Variants in STXBP5L observed in about 807,000 individuals in gnomAD.
STXBP5L encodes syntaxin-binding protein 5-like.
Under a neutral mutation model 144.5 loss-of-function variants are expected in STXBP5L, and 65 were observed. The observed-to-expected ratio is 0.45, with a 90% CI of 0.37 to 0.55. The LOEUF is 0.55. Among genes scored for constraint, STXBP5L ranks in the 20% least tolerant of loss-of-function variants. The pLI is 0.00. For synonymous variants in STXBP5L, 505 were observed against 469.6 expected (o/e 1.08, Z -0.97); for missense variants, 1,298 against 1,405.5 (o/e 0.92, Z 1.22).
chr3:121,132,878 A>G (rs1340032800), intron 7 of STXBP5L, among the ~76,000 whole-genome samples: 2 of 152,176 alleles, frequency 1.3e-5, no homozygotes, highest in Non-Finnish European at 2.9e-5. Flanking sequence ...AGCAGGCTAC[A>G]TAAAGTAGAA....
chr3:120,930,762 C>CT (rs1709889763), intron 2 of STXBP5L, among the ~76,000 whole-genome samples: 1 of 151,914 alleles, frequency 6.6e-6, no homozygotes. Context: ...TGTGGTATTC[C>CT]TTTGTCATAT....
intron 5 of STXBP5L, among the ~76,000 whole-genome samples, chr3:121,104,669 G>T (rs551946219): frequency 1.3e-5 from 2 of 152,110 alleles, no homozygotes; most frequent in Non-Finnish European, 2.9e-5. Context: ...TTCAACAAGT[G>T]GTGCTGGTAT....
intron 5 of STXBP5L, among the ~76,000 whole-genome samples, chr3:121,107,872 G>C (rs2043790843): frequency 6.6e-6 from 1 of 152,010 alleles, no homozygotes; most frequent in Admixed American, 6.6e-5. Context: ...ATTTGCTTAT[G>C]TCCTCTCTGA....
intron 20 of STXBP5L, chr3:121,324,624 T>C (rs529812665): frequency 1.5e-6 from 1 of 651,282 alleles, no homozygotes; most frequent in African/African-American, 1.8e-5. Context: ...ACAAAAGTTA[T>C]TCATATCTTC....
At chr3:121,004,724 C>T (rs776177376) in intron 3 of STXBP5L, among the ~76,000 whole-genome samples, 16 of 152,092 alleles carry the variant, frequency 1.1e-4, no homozygotes, top group Non-Finnish European at 2.2e-4. Context: ...AGATACGTCC[C>T]ATGAATACCT....
At chr3:121,200,488 C>G (rs985821530) in intron 9 of STXBP5L, among the ~76,000 whole-genome samples, 3 of 152,140 alleles carry the variant, frequency 2.0e-5, no homozygotes, top group Non-Finnish European at 4.4e-5. Flanking sequence ...TTCAGTTCCA[C>G]TCTGAACTTA....
intron 19 of STXBP5L, among the ~76,000 whole-genome samples, chr3:121,303,003 A>G (rs1157984494): frequency 2.0e-5 from 3 of 152,228 alleles, no homozygotes; most frequent in Admixed American, 6.5e-5. Flanking sequence ...ACCAAAAGCA[A>G]TGGCAACAAA....
chr3:121,252,980 C>A (rs1231264942), intron 15 of STXBP5L, among the ~76,000 whole-genome samples: 1 of 152,238 alleles, frequency 6.6e-6, no homozygotes, highest in Admixed American at 6.5e-5. Flanking sequence ...TCTTTACCTT[C>A]AGGGAGGGCC....
chr3:120,928,073 G>A (rs1296562222), intron 2 of STXBP5L, among the ~76,000 whole-genome samples: 1 of 152,112 alleles, frequency 6.6e-6, no homozygotes, highest in Non-Finnish European at 1.5e-5. Context: ...GGAAGTATGT[G>A]AGGTAAAATT....
chr3:120,912,937 G>A (rs934630040), intron 2 of STXBP5L, among the ~76,000 whole-genome samples: 6 of 151,472 alleles, frequency 4.0e-5, no homozygotes, highest in East Asian at 1.9e-4. Context: ...TCATTCTTTC[G>A]TTTCTGACTA....
At chr3:121,220,274 G>A (rs1322130207) in intron 10 of STXBP5L, among the ~76,000 whole-genome samples, 6 of 152,046 alleles carry the variant, frequency 3.9e-5, no homozygotes, top group Non-Finnish European at 8.8e-5. Context: ...ATGCCTTTGA[G>A]ATTCATCCAA....
At chr3:120,922,466 G>C (rs1483814972) in intron 2 of STXBP5L, among the ~76,000 whole-genome samples, 1 of 151,530 alleles carries the variant, frequency 6.6e-6, no homozygotes. Flanking sequence ...TTTTTCTCTT[G>C]CCTAATTGCT....
chr3:120,957,249 T>C lies in STXBP5L; in HGVS notation c.287+2212T>C, dbSNP rs1229506580. 2.0e-5 allele frequency among the ~76,000 whole-genome samples: 3 copies of C among 152,104 alleles called. No homozygotes were observed. In the East Asian group the frequency reaches 5.8e-4, roughly 29 times the overall value. Reference sequence around the variant, plus strand: ...GCTTTGTAGATTGGAAACCAGATAGTGTGAAATTTGAAATTAGATGAATTT... The same window carrying C: ...GCTTTGTAGATTGGAAACCAGATAGCGTGAAATTTGAAATTAGATGAATTT... On this transcript the variant is annotated intron_variant, in intron 3 of 26. Transcript: ENST00000471454.
At chr3:121,413,063 A>G in intron 23 of STXBP5L, 95 bp from the exon 24 acceptor site, 1 of 1,002,132 alleles carries the variant, frequency 1.0e-6, no homozygotes, top group Non-Finnish European at 1.4e-6. Flanking sequence ...AAAAGAAACA[A>G]CCATAAAATA....
intron 3 of STXBP5L, among the ~76,000 whole-genome samples, chr3:120,982,738 A>T (rs922025863): frequency 5.3e-5 from 8 of 152,108 alleles, no homozygotes; most frequent in Non-Finnish European, 1.2e-4. Flanking sequence ...GCCAGCTGTG[A>T]TGTTGTCAGC....
chr3:121,092,803 A>T (rs1272806938), intron 5 of STXBP5L, among the ~76,000 whole-genome samples: 2 of 152,146 alleles, frequency 1.3e-5, no homozygotes, highest in Non-Finnish European at 2.9e-5. Context: ...AACTTCCAAC[A>T]CCATGTTGAA....
At chr3:121,330,945 C>A (rs191090271) in intron 20 of STXBP5L, among the ~76,000 whole-genome samples, 1 of 152,200 alleles carries the variant, frequency 6.6e-6, no homozygotes, top group Non-Finnish European at 1.5e-5. Context: ...GGTGCTAATA[C>A]CTGCTGCTGG....
At chr3:121,349,529 C>G in intron 20 of STXBP5L, among the ~76,000 whole-genome samples, 1 of 151,920 alleles carries the variant, frequency 6.6e-6, no homozygotes, top group Non-Finnish European at 1.5e-5. Flanking sequence ...CTTTCTGTCT[C>G]GTTGATCTTC....
intron 11 of STXBP5L, among the ~76,000 whole-genome samples, chr3:121,230,007 C>T (rs1484206165): frequency 3.9e-5 from 6 of 152,080 alleles, no homozygotes; most frequent in African/African-American, 1.4e-4. Context: ...CAGTTTTTAT[C>T]GTATTTGAAA....
Sources: allele counts gnomAD v4.1 joint callset (sites outside exome capture counted in the v4.1 genomes callset), GRCh38; gene constraint gnomAD v4.1.1; transcripts MANE v1.5; gene names NCBI Gene and HGNC (gene_info 2026-07-23, HGNC 2026-07-21).